Variants in CEP162 observed in about 807,000 individuals in gnomAD.
CEP162 encodes the protein centrosomal protein of 162 kDa.
Under a neutral mutation model 169.2 loss-of-function variants are expected in CEP162, and 141 were observed. That is an observed-to-expected ratio of 0.83 (90% CI 0.73 to 0.96). The LOEUF is 0.96. Among genes scored for constraint, CEP162 ranks in the 40% least tolerant of loss-of-function variants. The pLI is 0.00. For synonymous variants in CEP162, 540 were observed against 526.4 expected, an observed-to-expected ratio of 1.03 and a Z score of -0.35; for missense variants, 1,600 against 1,587.2, an observed-to-expected ratio of 1.01 and a Z score of -0.14.
intron 11 of CEP162, among the ~76,000 whole-genome samples, chr6:84,188,197 G>A (rs1212427153): frequency 6.6e-6 from 1 of 151,036 alleles, no homozygotes; most frequent in African/African-American, 2.4e-5. Context: ...AAAAAAATTA[G>A]AGGGACAAGG....
chr6:84,208,223 A>C (rs546570041), intron 6 of CEP162, among the ~76,000 whole-genome samples: 1 of 152,292 alleles, frequency 6.6e-6, no homozygotes, highest in African/African-American at 2.4e-5. Context: ...CTCCATGTTA[A>C]CTGAGGCATT....
intron 13 of CEP162, among the ~76,000 whole-genome samples, chr6:84,181,659 A>G (rs2099534885): frequency 6.6e-6 from 1 of 152,182 alleles, no homozygotes; most frequent in South Asian, 2.1e-4. Context: ...TCAAAAAGAA[A>G]CCAATCAAAA....
At position 84,160,093 on chromosome 6, in the gene CEP162, T is replaced by A. The variant is rs185185461; in HGVS notation, c.2781+719A>T. Among the ~76,000 whole-genome samples the A allele has an allele frequency of 1.4e-3, 209 of 152,328 alleles. 1 individual carries two copies. The highest frequency in any genetic ancestry group is 4.2e-3 in the African/African-American group (176 of 41,578). On this transcript the variant is annotated intron_variant, in intron 21 of 26. Coordinates refer to ENST00000403245, the MANE Select transcript of CEP162 (RefSeq NM_014895.4). ...GATTCATGATGGAATAATACCCATA[T>A]GTCTAAGTACCATGACTTGACTACA...
chr6:84,207,364 T>G (rs113545863), intron 6 of CEP162, among the ~76,000 whole-genome samples: 5 of 152,056 alleles, frequency 3.3e-5, no homozygotes, highest in Non-Finnish European at 5.9e-5. Context: ...GTGGCAAATA[T>G]ACACCATGGA....
At chr6:84,188,369 C>T (rs1355190987) in intron 11 of CEP162, among the ~76,000 whole-genome samples, 2 of 152,082 alleles carry the variant, frequency 1.3e-5, no homozygotes, top group Non-Finnish European at 1.5e-5. Flanking sequence ...GGTAGTTTTT[C>T]GATCTTCACC....
chr6:84,209,709 A>C (rs1276519681), intron 6 of CEP162, among the ~76,000 whole-genome samples: 1 of 152,172 alleles, frequency 6.6e-6, no homozygotes, highest in African/African-American at 2.4e-5. Flanking sequence ...TCTAAATCAA[A>C]AGTTAATACA....
chr6:84,132,618 C>T (rs2099512075), intron 25 of CEP162, among the ~76,000 whole-genome samples: 1 of 152,174 alleles, frequency 6.6e-6, no homozygotes, highest in South Asian at 2.1e-4. Context: ...GATACCCTTT[C>T]TTCCACTTGA....
chr6:84,155,731 T>C, intron 21 of CEP162: 4 of 500,330 alleles, frequency 8.0e-6, no homozygotes, highest in Non-Finnish European at 1.4e-5. Context: ...AAGAAAACCG[T>C]GACACAAACA....
intron 5 of CEP162, among the ~76,000 whole-genome samples, chr6:84,213,753 A>G (rs2099550467): frequency 6.6e-6 from 1 of 152,220 alleles, no homozygotes; most frequent in African/African-American, 2.4e-5. Flanking sequence ...TTAAGAAATA[A>G]GAAAAAAGTT....
At chr6:84,153,860 C>T (rs1051356697) in intron 22 of CEP162, among the ~76,000 whole-genome samples, 7 of 152,224 alleles carry the variant, frequency 4.6e-5, no homozygotes, top group Admixed American at 2.6e-4. Flanking sequence ...GCAGCTACAA[C>T]GTCCCACAAG....
At chr6:84,185,846 C>T (rs776499246) in intron 12 of CEP162, among the ~76,000 whole-genome samples, 1 of 152,016 alleles carries the variant, frequency 6.6e-6, no homozygotes, top group Non-Finnish European at 1.5e-5. Flanking sequence ...GACTTAAATA[C>T]ATAATTCAAA....
Position 84,124,690 on chromosome 6 carries a change from C to A in CEP162, c.*380G>T. 3.9e-6 allele frequency: 1 copy of A among 256,528 alleles called. No homozygotes were observed. Among genetic ancestry groups the A allele is most frequent in the South Asian group, 4.4e-5 (1 of 22,578 alleles). 15.9% of individuals were successfully genotyped at this position (256,528 alleles called of 1,614,324 possible). A position where few individuals can be genotyped will look rare whatever the true frequency, so the allele number is the denominator to read the frequency against. On this transcript the variant is annotated 3_prime_UTR_variant, in exon 27 of 27. Coordinates refer to ENST00000403245, the MANE Select transcript of CEP162 (RefSeq NM_014895.4). ...CAATTCCCACCATTATTCAATACAC[C>A]CATGTTACAACAAGCACATGTACCC...
rs188024057 is a variant in CEP162 at position 84,146,952 on chromosome 6, A to G, written c.3772-167T>C. On this transcript the variant is annotated intron_variant, in intron 24 of 26. Transcript: ENST00000403245. ...ATTATAGAGATTTCTCAAAAAACTA[A>G]AAATAGAATTACCGTATTATCTAGC... 2.0e-5 allele frequency among the ~76,000 whole-genome samples: 3 copies of G among 152,260 alleles called. No individual in the cohort carries two copies. The East Asian group carries it at 5.8e-4, about 29-fold the overall frequency.
rs1458972959 is a variant in CEP162 at position 84,175,252 on chromosome 6, T to C, written c.1759A>G (p.Asn587Asp). 6.5e-7 allele frequency: 1 copy of C among 1,544,790 alleles called. No homozygotes were observed. The highest frequency in any genetic ancestry group is 8.7e-7 in the Non-Finnish European group (1 of 1,143,194). Reference sequence around the variant, plus strand: ...ATACAGGAATCAGTTTCTGTGGGATTTTCAGACTTCTTACGAGTAGACAGG... The same window carrying C: ...ATACAGGAATCAGTTTCTGTGGGATCTTCAGACTTCTTACGAGTAGACAGG... ...SCLSTRKKSE[N>D]PTETDSCIQF... Residue 587 changes from asparagine to aspartate, a missense_variant, in exon 14 of 27, where the codon AAT becomes GAT. Asn to Asp is a conservative substitution (Grantham distance 23, BLOSUM62 1). Transcript: ENST00000403245.
At chr6:84,134,919 T>TACACACACACACAC (rs35312098) in intron 25 of CEP162, among the ~76,000 whole-genome samples, 6 of 148,372 alleles carry the variant, frequency 4.0e-5, no homozygotes, top group Non-Finnish European at 7.5e-5. Context: ...AGATCATATA[T>TACACACACACACAC]ACACACACAC....
In CEP162 at chr6:84,163,102, G is replaced by T. The variant is rs756067869; in HGVS notation, c.2512+42C>A. 3 of 1,594,098 alleles carry T rather than the reference G, an allele frequency of 1.9e-6. No individual in the cohort carries two copies. The African/African-American group carries it at 4.0e-5, about 21-fold the overall frequency. ...ATTACTTAAATTCAACATTAGAACAGTTATGATTATAAAGGTACACTGTTT... is the reference window on the plus strand; with the variant it reads ...ATTACTTAAATTCAACATTAGAACATTTATGATTATAAAGGTACACTGTTT... On this transcript the variant is annotated intron_variant, in intron 19 of 26. Coordinates refer to ENST00000403245, the MANE Select transcript of CEP162 (RefSeq NM_014895.4).
At chr6:84,140,725 A>G (rs1327714320) in intron 25 of CEP162, among the ~76,000 whole-genome samples, 7 of 151,990 alleles carry the variant, frequency 4.6e-5, no homozygotes, top group Non-Finnish European at 2.9e-5. Context: ...ATGTCTCGTC[A>G]TATTGCCCAG....
intron 21 of CEP162, among the ~76,000 whole-genome samples, chr6:84,157,106 A>G (rs990534391): frequency 6.6e-6 from 1 of 152,184 alleles, no homozygotes; most frequent in Non-Finnish European, 1.5e-5. Flanking sequence ...TACCCCCTAA[A>G]TCTATAAAAA....
intron 23 of CEP162, among the ~76,000 whole-genome samples, chr6:84,151,339 G>T (rs2099521023): frequency 6.6e-6 from 1 of 152,022 alleles, no homozygotes; most frequent in South Asian, 2.1e-4. Flanking sequence ...GTTTATAAAA[G>T]TAAGGAAGAC....
Sources: gnomAD v4.1 joint callset for allele counts (sites outside exome capture counted in the v4.1 genomes callset) on GRCh38, gnomAD v4.1.1 for gene constraint, MANE v1.5 for transcripts, NCBI Gene and HGNC (gene_info 2026-07-23, HGNC 2026-07-21) for gene names.